Variants in COL1A1 observed in about 807,000 individuals in gnomAD.
COL1A1 encodes the protein collagen type I alpha 1 chain.
In COL1A1, 21 loss-of-function variants were observed where a neutral mutation model predicts 195.7. That is an observed-to-expected ratio of 0.11 (90% CI 0.08 to 0.15). COL1A1 has a LOEUF of 0.15. Among genes scored for constraint, COL1A1 ranks in the 10% least tolerant of loss-of-function variants. The pLI, the probability that COL1A1 is intolerant of heterozygous loss-of-function variation, is 1.00. For synonymous variants in COL1A1, 749 were observed against 747.3 expected (o/e 1.00, Z -0.04); for missense variants, 1,365 against 2,051.0 (o/e 0.67, Z 6.46).
At chr17:50,193,811 C>G in intron 25 of COL1A1, 132 bp downstream of exon 25, 1 of 816,960 alleles carries the variant, frequency 1.2e-6, no homozygotes, top group Non-Finnish European at 2.1e-6. Context: ...GATAGGGAGG[C>G]TGAGGTCCAG....
At chr17:50,200,975 G>C (rs1030116967) in intron 1 of COL1A1, among the ~76,000 whole-genome samples, 5 of 152,210 alleles carry the variant, frequency 3.3e-5, no homozygotes, top group Non-Finnish European at 5.9e-5. Context: ...CGGCTGCCCA[G>C]CACCCCCACG....
Position 50,186,874 on chromosome 17 carries a change from C to A in COL1A1, c.3580G>T (p.Ala1194Ser), listed in dbSNP as rs769571473. Reference protein sequence around the residue: ...GPPGPPGPPSAGFDFSFLPQP... With the variant: ...GPPGPPGPPSSGFDFSFLPQP... ...GGCAGGAAGCTGAAGTCGAAACCAG[C>A]GCTGGGAGGACCAGGGGGACCAGGA... The change falls in exon 48 of 51, where the codon GCT becomes TCT. Residue 1194 changes from alanine to serine, a missense_variant. By Grantham distance (99) the Ala-to-Ser change is moderately conservative. Coordinates refer to ENST00000225964, the MANE Select transcript of COL1A1 (RefSeq NM_000088.4). This position sits in a 1 kb window ranked among gnomAD's most constrained non-coding sequence, Gnocchi z 5.3. 6.2e-7 allele frequency: 1 copy of A among 1,613,986 alleles called. No individual in the cohort carries two copies. The highest frequency in any genetic ancestry group is 8.5e-7 in the Non-Finnish European group (1 of 1,180,018).
Position 50,195,549 on chromosome 17 carries a change from T to C in COL1A1, c.1155+18A>G, listed in dbSNP as rs973110734. On this transcript the variant is annotated intron_variant, in intron 17 of 50. Coordinates refer to ENST00000225964, the MANE Select transcript of COL1A1 (RefSeq NM_000088.4). This position sits in a 1 kb window ranked among gnomAD's most constrained non-coding sequence, Gnocchi z 4.3. ...GGTTAGAAAGTGGCAAAGGGGACAC[T>C]GAGTCGGGGACACTTACAGCAGGGC... The C allele has an allele frequency of 4.3e-6, 7 of 1,613,736 alleles. No homozygotes were observed. In the African/African-American group the frequency reaches 8.0e-5, roughly 18 times the overall value.
chr17:50,200,215 G>C, intron 1 of COL1A1: 4 of 485,940 alleles, frequency 8.2e-6, no homozygotes, highest in Non-Finnish European at 1.1e-5. Flanking sequence ...TCCAACCTCA[G>C]CCCATTGGCG....
At position 50,191,825 on chromosome 17, in the gene COL1A1, C is replaced by G; in HGVS notation, c.2090G>C (p.Arg697Pro). The G allele has an allele frequency of 1.2e-6, 2 of 1,600,310 alleles. No homozygotes were observed. The highest frequency in any genetic ancestry group is 1.3e-5 in the African/African-American group (1 of 74,838). Residue 697 changes from arginine (R) to proline (P), a missense_variant, in exon 31 of 51, where the codon CGA (arginine) becomes CCA (proline). By Grantham distance (103) the Arg-to-Pro change is moderately radical. This residue lies in a region of COL1A1 where 671 missense variants were observed against 1,099.9 expected (regional missense o/e 0.61). Transcript: ENST00000225964. ...VQGPPGPAGP[R>P]GANGAPGNDG... Reference sequence around the variant, plus strand: ...GTTGCCGGGAGCACCGTTGGCCCCTCGGGGACCAGCAGGACCAGGGGGACC... The same window carrying G: ...GTTGCCGGGAGCACCGTTGGCCCCTGGGGGACCAGCAGGACCAGGGGGACC...
chr17:50,190,173 G>T lies in COL1A1; in HGVS notation c.2452-65C>A. The stretch of plus-strand genomic sequence containing the variant: ...CAGGAGTTTCCACTACCTGGGGGAG[G>T]AGCAGTAATGGAGGCAGGAAGATGC... On this transcript the variant is annotated intron_variant, in intron 35 of 50. Transcript: ENST00000225964. The surrounding 1 kb of genome is among the most constrained non-coding windows in gnomAD (Gnocchi z 4.7). 7.3e-7 allele frequency: 1 copy of T among 1,375,934 alleles called. No individual in the cohort carries two copies. Among genetic ancestry groups the T allele is most frequent in the Non-Finnish European group, 1.0e-6 (1 of 963,462 alleles). 85.2% of individuals were successfully genotyped at this position (1,375,934 alleles called of 1,614,324 possible).
rs755105705 is a variant in COL1A1, at chr17:50,190,780, T to C, written c.2343+37A>G. 1.9e-6 allele frequency: 3 copies of C among 1,563,144 alleles called. No homozygotes were observed. Among genetic ancestry groups the C allele is most frequent in the Non-Finnish European group, 2.6e-6 (3 of 1,134,322 alleles). On this transcript the variant is annotated intron_variant, in intron 33 of 50. Coordinates refer to ENST00000225964, the MANE Select transcript of COL1A1 (RefSeq NM_000088.4). The surrounding 1 kb of genome is among the most constrained non-coding windows in gnomAD (Gnocchi z 4.7). ...GTGCCCAGGCCTGCTGAGGAGGCTA[T>C]GTGTTAGGGCAGAAGGTGGGGAGGC...
At position 50,196,110 on chromosome 17, in the gene COL1A1, A is replaced by G. The variant is rs367826601; in HGVS notation, c.1002+45T>C. 64 of 1,612,484 alleles carry G rather than the reference A, an allele frequency of 4.0e-5. No homozygotes were observed. In the African/African-American group the frequency reaches 7.6e-4, roughly 19 times the overall value. ...GTCAGCCCCAAGAGCAGATACTGAGACCCCTCCCCACTCCCAGGCCCTGAG... is the reference window on the plus strand; with the variant it reads ...GTCAGCCCCAAGAGCAGATACTGAGGCCCCTCCCCACTCCCAGGCCCTGAG... On this transcript the variant is annotated intron_variant, in intron 15 of 50. Transcript: ENST00000225964.
intron 45 of COL1A1, 130 bp from the exon 46 acceptor site, chr17:50,187,667 G>T (rs910259923): frequency 2.0e-5 from 21 of 1,071,110 alleles, no homozygotes; most frequent in Admixed American, 3.9e-5. Flanking sequence ...TAGCCCGAGG[G>T]TGTCCATAGG....
At chr17:50,187,187 G>C in intron 46 of COL1A1, 65 bp from the exon 47 acceptor site, 1 of 1,303,950 alleles carries the variant, frequency 7.7e-7, no homozygotes, top group South Asian at 1.3e-5. Flanking sequence ...CTCTGGAGGA[G>C]AGGCCCACCA....
chr17:50,195,005 C>T lies in COL1A1; in HGVS notation c.1353+42G>A. On this transcript the variant is annotated intron_variant, in intron 20 of 50. Transcript: ENST00000225964. This position sits in a 1 kb window ranked among gnomAD's most constrained non-coding sequence, Gnocchi z 4.3. Reference sequence around the variant, plus strand: ...GATTTCCCTCAGGGGGCTCCTAGGGCAGGGTGGGCTGGGCTGCAAGAAGGA... The same window carrying T: ...GATTTCCCTCAGGGGGCTCCTAGGGTAGGGTGGGCTGGGCTGCAAGAAGGA... The T allele has an allele frequency of 1.3e-6, 2 of 1,598,882 alleles. No homozygotes were observed. The highest frequency in any genetic ancestry group is 1.7e-6 in the Non-Finnish European group (2 of 1,167,310).
At position 50,194,632 on chromosome 17, in the gene COL1A1, G is replaced by A. The variant is rs1341315506; in HGVS notation, c.1462-6C>T. 1 of 1,560,358 alleles carries A rather than the reference G, an allele frequency of 6.4e-7. No homozygotes were observed. ...CCACGGCTACCAGGTCCACCCTGCAGGAGGAGAGGAGGCCAGTGAACTCCG... is the reference window on the plus strand; with the variant it reads ...CCACGGCTACCAGGTCCACCCTGCAAGAGGAGAGGAGGCCAGTGAACTCCG... On this transcript the variant is annotated splice_polypyrimidine_tract_variant and splice_region_variant and intron_variant, in intron 21 of 50. Coordinates refer to ENST00000225964, the MANE Select transcript of COL1A1 (RefSeq NM_000088.4). This position sits in a 1 kb window ranked among gnomAD's most constrained non-coding sequence, Gnocchi z 6.8.
At chr17:50,196,033 C>T in intron 15 of COL1A1, 57 bp from the exon 16 acceptor site, 3 of 1,602,070 alleles carry the variant, frequency 1.9e-6, no homozygotes, top group Non-Finnish European at 1.7e-6. Context: ...GCAAGTCACA[C>T]CCTGGGACAG....
At position 50,195,146 on chromosome 17, in the gene COL1A1, G is replaced by T. The variant is rs554507974; in HGVS notation, c.1300-46C>A. 66 of 1,609,492 alleles carry T rather than the reference G, an allele frequency of 4.1e-5. No homozygotes were observed. The East Asian group carries it at 1.3e-3, about 32-fold the overall frequency. On this transcript the variant is annotated intron_variant, in intron 19 of 50. Coordinates refer to ENST00000225964, the MANE Select transcript of COL1A1 (RefSeq NM_000088.4). This position sits in a 1 kb window ranked among gnomAD's most constrained non-coding sequence, Gnocchi z 4.3. The stretch of plus-strand genomic sequence containing the variant: ...ATGAGCTGAGAGTCGGGGGCGCTCA[G>T]TTGGCCTGCGTCTTCCTGCTCCCCA...
rs989851580 is a variant in COL1A1 at position 50,186,171 on chromosome 17, A to C, written c.4005+146T>G. The stretch of plus-strand genomic sequence containing the variant: ...CTGCCCATCGGCAGCCTGTGTCTGA[A>C]CCACTATCAGGGACCTGAGACCCCT... On this transcript the variant is annotated intron_variant, in intron 49 of 50. Transcript: ENST00000225964. The surrounding 1 kb of genome is among the most constrained non-coding windows in gnomAD (Gnocchi z 5.3). 6.6e-7 allele frequency: 1 copy of C among 1,511,338 alleles called. No homozygotes were observed. The allele number at this position is 1,511,338 out of a possible 1,614,324, so 93.6% of individuals were successfully genotyped here. A position where few individuals can be genotyped will look rare whatever the true frequency, so the allele number is the denominator to read the frequency against.
chr17:50,190,094 T>C lies in COL1A1; in HGVS notation c.2466A>G (p.Gln822=), dbSNP rs551706871. The change falls in exon 36 of 51, where the codon CAA becomes CAG. Residue 822 remains glutamine (Q), a synonymous_variant. Coordinates refer to ENST00000225964, the MANE Select transcript of COL1A1 (RefSeq NM_000088.4). The surrounding 1 kb of genome is among the most constrained non-coding windows in gnomAD (Gnocchi z 4.7). ...GFAGPPGADG[Q]PGAKGEPGDA... is the part of the protein sequence containing the mutation. ...CACCAGGTTCGCCTTTAGCACCAGG[T>C]TGGCCGTCAGCACCCTGGGGGAGGA... The C allele has an allele frequency of 3.0e-5, 49 of 1,612,714 alleles. No homozygotes were observed. The African/African-American group carries it at 6.2e-4, about 20-fold the overall frequency.
Position 50,195,981 on chromosome 17 carries a change from G to A in COL1A1, c.1003-5C>T. On this transcript the variant is annotated splice_region_variant and splice_polypyrimidine_tract_variant and intron_variant, in intron 15 of 50. Transcript: ENST00000225964. The surrounding 1 kb of genome is among the most constrained non-coding windows in gnomAD (Gnocchi z 4.3). Reference sequence around the variant, plus strand: ...ACCAGCGGGGCCGGTGGGACCCTGTGAATGAAATGGAGATGTCAGCGAGAA... The same window carrying A: ...ACCAGCGGGGCCGGTGGGACCCTGTAAATGAAATGGAGATGTCAGCGAGAA... 1 of 1,596,218 alleles carries A rather than the reference G, an allele frequency of 6.3e-7. No homozygotes were observed. The highest frequency in any genetic ancestry group is 8.5e-7 in the Non-Finnish European group (1 of 1,171,150).
rs1907456908 is a variant in COL1A1 at position 50,195,083 on chromosome 17, A to G, written c.1317T>C (p.Pro439=). The change falls in exon 20 of 51, where the codon CCT becomes CCC. Residue 439 remains proline, a synonymous_variant. Transcript: ENST00000225964. This position sits in a 1 kb window ranked among gnomAD's most constrained non-coding sequence, Gnocchi z 4.3. ...PKGNSGEPGA[P]GSKGDTGAKG... ...TAGCACCAGTGTCTCCTTTGCTGCC[A>G]GGAGCACCAGGTTCACCCTGCAAGG... 3 of 1,613,800 alleles carry G rather than the reference A, an allele frequency of 1.9e-6. No homozygotes were observed. Among genetic ancestry groups the G allele is most frequent in the East Asian group, 2.2e-5 (1 of 44,880 alleles).
chr17:50,196,056 G>A (rs1459656830), intron 15 of COL1A1, 80 bp from the exon 16 acceptor site: 3 of 1,604,786 alleles, frequency 1.9e-6, no homozygotes, highest in South Asian at 2.2e-5. Flanking sequence ...GAAGTCCTGG[G>A]GTTCAGACCA....
Sources: gnomAD v4.1 joint callset for allele counts (sites outside exome capture counted in the v4.1 genomes callset) on GRCh38, gnomAD v4.1.1 for gene constraint, gnomAD v4.1.1 regional missense constraint, Gnocchi (gnomAD v3.1) non-coding constraint, MANE v1.5 for transcripts, NCBI Gene and HGNC (gene_info 2026-07-23, HGNC 2026-07-21) for gene names.